UNC79: variants seen among roughly 807,000 people sequenced by gnomAD.
UNC79 encodes protein unc-79 homolog.
UNC79 carries 37 observed loss-of-function variants against 283.1 expected under a neutral mutation model. The observed-to-expected ratio is 0.13, with a 90% CI of 0.10 to 0.17. The LOEUF is 0.17. UNC79 is among the 10% of genes least tolerant of loss of function. The pLI, the probability that UNC79 is intolerant of heterozygous loss-of-function variation, is 1.00. For missense variants in UNC79, 2,272 were observed against 3,211.1 expected (o/e 0.71, Z 7.07); for synonymous variants, 1,107 against 1,200.2 (o/e 0.92, Z 1.61).
At chr14:93,480,597 C>T (rs1034492367) in intron 4 of UNC79, among the ~76,000 whole-genome samples, 1 of 152,036 alleles carries the variant, frequency 6.6e-6, no homozygotes, top group Non-Finnish European at 1.5e-5. Flanking sequence ...CAGCCAAATT[C>T]GATTACACCA....
chr14:93,627,364 A>G (rs561520953), intron 30 of UNC79, among the ~76,000 whole-genome samples: 4 of 152,308 alleles, frequency 2.6e-5, no homozygotes, highest in Admixed American at 2.6e-4. Context: ...TGCTAAGACA[A>G]CCATCAGTGA....
At chr14:93,653,670 C>T (rs2140340735) in intron 35 of UNC79, 72 bp from the exon 39 acceptor site, 2 of 1,384,720 alleles carry the variant, frequency 1.4e-6, no homozygotes, top group East Asian at 4.6e-5. Flanking sequence ...AATGTCTGAA[C>T]TCTAAGTAAA....
At chr14:93,503,182 G>T (rs1252755055) in intron 7 of UNC79, among the ~76,000 whole-genome samples, 1 of 152,084 alleles carries the variant, frequency 6.6e-6, no homozygotes, top group African/African-American at 2.4e-5. Context: ...TTATTTATTT[G>T]TATGTGTGTG....
At chr14:93,486,232 C>G (rs904977503) in intron 4 of UNC79, among the ~76,000 whole-genome samples, 1 of 152,126 alleles carries the variant, frequency 6.6e-6, no homozygotes, top group Non-Finnish European at 1.5e-5. Context: ...CACACAAGCC[C>G]AAGTGTAAGG....
chr14:93,412,558 A>G (rs1382975358), intron 1 of UNC79, among the ~76,000 whole-genome samples: 1 of 152,126 alleles, frequency 6.6e-6, no homozygotes, highest in Non-Finnish European at 1.5e-5. Context: ...AAGAAATAAC[A>G]TAAAATGGAG....
chr14:93,347,752 A>G (rs529233789), intron 1 of UNC79, among the ~76,000 whole-genome samples: 4 of 151,858 alleles, frequency 2.6e-5, no homozygotes, highest in Non-Finnish European at 5.9e-5. Flanking sequence ...CACTGCGAAG[A>G]TCTAGCGTTT....
At chr14:93,619,980 C>T (rs1823914237) in intron 29 of UNC79, among the ~76,000 whole-genome samples, 2 of 152,160 alleles carry the variant, frequency 1.3e-5, no homozygotes, top group African/African-American at 2.4e-5. Flanking sequence ...GTTAAGTAAA[C>T]TTTATGGGTT....
intron 11 of UNC79, among the ~76,000 whole-genome samples, chr14:93,535,002 C>A (rs1387820347): frequency 6.6e-6 from 1 of 152,106 alleles, no homozygotes; most frequent in African/African-American, 2.4e-5. Context: ...ACTGCATATT[C>A]CCTGAATGGT....
chr14:93,368,807 T>G (rs981365573), intron 1 of UNC79, among the ~76,000 whole-genome samples: 1 of 152,198 alleles, frequency 6.6e-6, no homozygotes, highest in Non-Finnish European at 1.5e-5. Context: ...GAAAAGCTAT[T>G]AAGACACAAA....
At chr14:93,343,548 T>TC (rs1328069574) in intron 1 of UNC79, among the ~76,000 whole-genome samples, 3 of 152,212 alleles carry the variant, frequency 2.0e-5, no homozygotes, top group Non-Finnish European at 4.4e-5. Flanking sequence ...TCTTTTTTTT[T>TC]CCTCCCCTAT....
intron 42 of UNC79, among the ~76,000 whole-genome samples, chr14:93,684,243 G>A (rs1024319354): frequency 3.9e-5 from 6 of 152,088 alleles, no homozygotes; most frequent in Non-Finnish European, 8.8e-5. Flanking sequence ...TAGACTTATT[G>A]ATGGTAAAAT....
intron 35 of UNC79, among the ~76,000 whole-genome samples, chr14:93,650,528 T>C (rs1314382363): frequency 6.6e-6 from 1 of 152,204 alleles, no homozygotes; most frequent in Non-Finnish European, 1.5e-5. Context: ...TATTTCATTA[T>C]AGTTTTAACT....
Position 93,618,178 on chromosome 14 carries a change from G to T in UNC79, c.4225-14G>T. 1 of 1,596,728 alleles carries T rather than the reference G, an allele frequency of 6.3e-7. No individual in the cohort carries two copies. Among genetic ancestry groups the T allele is most frequent in the South Asian group, 1.1e-5 (1 of 87,664 alleles). On this transcript the variant is annotated splice_polypyrimidine_tract_variant and intron_variant, in intron 28 of 48. Transcript: ENST00000555664. The stretch of plus-strand genomic sequence containing the variant: ...ATAACCATTTATCTTTTTCTCTCTC[G>T]TTTCATTGGGCAGTATCCATACCGA...
In UNC79 at chr14:93,339,489, C is replaced by T. The variant is rs373519353; in HGVS notation, c.-351+5966C>T. ...TAATTTTTTGTATTTTTAGTAGAGA[C>T]GGGATTTCACCATGTTGGCCAGGCT... On this transcript the variant is annotated intron_variant, in intron 1 of 49. Transcript: ENST00000256339. 5.5e-4 allele frequency among the ~76,000 whole-genome samples: 84 copies of T among 152,186 alleles called. 1 individual carries two copies. Among genetic ancestry groups the T allele is most frequent in the Middle Eastern group, 6.8e-3 (2 of 294 alleles).
intron 35 of UNC79, among the ~76,000 whole-genome samples, chr14:93,651,909 T>A (rs1439353923): frequency 7.5e-6 from 1 of 133,614 alleles, no homozygotes; most frequent in Non-Finnish European, 1.6e-5. Flanking sequence ...TGGCTAATTT[T>A]GTATTTTTTT....
intron 1 of UNC79, among the ~76,000 whole-genome samples, chr14:93,414,664 G>C (rs1025030020): frequency 1.3e-5 from 2 of 152,122 alleles, no homozygotes; most frequent in Non-Finnish European, 2.9e-5. Context: ...TCATGAGCAT[G>C]GAATGTTCTT....
intron 31 of UNC79, among the ~76,000 whole-genome samples, chr14:93,635,387 A>G (rs1325281023): frequency 1.3e-5 from 2 of 152,192 alleles, no homozygotes; most frequent in African/African-American, 4.8e-5. Context: ...ACCTTGCAAC[A>G]TGCATGCACC....
At position 93,669,535 on chromosome 14, in the gene UNC79, T is replaced by C. The variant is rs576658948; in HGVS notation, c.6637-3816T>C. On this transcript the variant is annotated intron_variant, in intron 40 of 48. Transcript: ENST00000555664. ...ACACATTTTTGGCTTTACATTTTGG[T>C]GTAAAGACACCCCCATAGTAACTTT... is the stretch of plus-strand genomic sequence containing the variant. Among the ~76,000 whole-genome samples the C allele has an allele frequency of 1.4e-4, 21 of 152,240 alleles. No homozygotes were observed. In the South Asian group the frequency reaches 4.2e-3, roughly 30 times the overall value.
chr14:93,700,907 G>A (rs6575349), intron 47 of UNC79, among the ~76,000 whole-genome samples: 3,954 of 152,156 alleles, frequency 0.026, 69 homozygotes, highest in South Asian at 0.062. Context: ...TTTTCGGGTC[G>A]TTTTTTCTCC....
Sources: gnomAD v4.1 joint callset for allele counts (sites outside exome capture counted in the v4.1 genomes callset) on GRCh38, gnomAD v4.1.1 for gene constraint, MANE v1.5 for transcripts, NCBI Gene and HGNC (gene_info 2026-07-23, HGNC 2026-07-21) for gene names.